The following GRID2 variants were observed in gnomAD, a reference collection of about 807,000 sequenced individuals.
GRID2 encodes the protein glutamate ionotropic receptor delta type subunit 2.
Under a neutral mutation model 114.8 loss-of-function variants are expected in GRID2, and 33 were observed. That is an observed-to-expected ratio of 0.29 (90% CI 0.22 to 0.38). The LOEUF is 0.38. Ranked by LOEUF, GRID2 falls within the 10% of genes least tolerant of loss-of-function variation. The probability of loss-of-function intolerance (pLI) is 1.00; values close to 1 mark genes in which losing one functional copy is unlikely to be tolerated. For synonymous variants in GRID2, 505 were observed against 449.9 expected (o/e 1.12, Z -1.55); for missense variants, 1,184 against 1,257.7 (o/e 0.94, Z 0.89).
chr4:93,502,273 T>TA (rs1353050268), intron 12 of GRID2, among the ~76,000 whole-genome samples: 1 of 152,100 alleles, frequency 6.6e-6, no homozygotes, highest in Non-Finnish European at 1.5e-5. Context: ...TTTCGTCTTT[T>TA]AAAAAAGTGA....
At chr4:93,151,816 C>T (rs536011063) in intron 4 of GRID2, among the ~76,000 whole-genome samples, 1 of 152,054 alleles carries the variant, frequency 6.6e-6, no homozygotes, top group East Asian at 1.9e-4. Context: ...ATATTTTAAT[C>T]CAATAATCAC....
intron 13 of GRID2, among the ~76,000 whole-genome samples, chr4:93,572,934 G>T (rs968963049): frequency 3.3e-5 from 5 of 152,046 alleles, no homozygotes; most frequent in Non-Finnish European, 2.9e-5. Flanking sequence ...TGAGTCCTAA[G>T]GCAAAATTTA....
chr4:93,427,798 A>G (rs939905965), intron 10 of GRID2, among the ~76,000 whole-genome samples: 15 of 152,046 alleles, frequency 9.9e-5, no homozygotes, highest in African/African-American at 3.6e-4. Flanking sequence ...TCTCTGCCTC[A>G]CTACTCTTAT....
rs551497303 is a variant in GRID2 at position 92,440,110 on chromosome 4, G to A, written c.88+135366G>A. ...AGGACAGGCCTGAATTCTGAGAAAC[G>A]AAAGTGGTAAAAGTATTGTCCAGTC... On this transcript the variant is annotated intron_variant, in intron 1 of 15. Transcript: ENST00000282020. 2.1e-5 allele frequency among the ~76,000 whole-genome samples: 3 copies of A among 146,298 alleles called. 1 individual carries two copies. Among genetic ancestry groups the A allele is most frequent in the Non-Finnish European group, 4.6e-5 (3 of 64,628 alleles).
At chr4:92,689,121 A>G (rs1366388025) in intron 2 of GRID2, among the ~76,000 whole-genome samples, 1 of 152,178 alleles carries the variant, frequency 6.6e-6, no homozygotes, top group Non-Finnish European at 1.5e-5. Context: ...TTAATAAACC[A>G]TTGGTGAAAA....
intron 14 of GRID2, among the ~76,000 whole-genome samples, chr4:93,656,680 A>G (rs1274757887): frequency 6.9e-6 from 1 of 145,746 alleles, no homozygotes; most frequent in Non-Finnish European, 1.5e-5. Flanking sequence ...AATACAAAAA[A>G]TTAGCCAGGC....
At chr4:93,056,406 C>T (rs1727248649) in intron 2 of GRID2, among the ~76,000 whole-genome samples, 1 of 151,522 alleles carries the variant, frequency 6.6e-6, no homozygotes, top group Non-Finnish European at 1.5e-5. Flanking sequence ...TCAGCCACTG[C>T]GTGATTGAAG....
intron 2 of GRID2, among the ~76,000 whole-genome samples, chr4:92,738,084 TAA>T (rs1021038746): frequency 1.3e-5 from 2 of 152,186 alleles, no homozygotes; most frequent in African/African-American, 2.4e-5. Flanking sequence ...AAAAGTTAAT[TAA>T]AAGTTTCCTG....
At chr4:92,561,722 C>T (rs1040540766) in intron 1 of GRID2, among the ~76,000 whole-genome samples, 1 of 152,120 alleles carries the variant, frequency 6.6e-6, no homozygotes, top group Non-Finnish European at 1.5e-5. Flanking sequence ...AAATTTTTTA[C>T]ATTAGTTCTA....
intron 1 of GRID2, among the ~76,000 whole-genome samples, chr4:92,377,453 C>G (rs1000320278): frequency 6.6e-6 from 1 of 152,196 alleles, no homozygotes; most frequent in Non-Finnish European, 1.5e-5. Context: ...AAGCTCCAAA[C>G]TTGCCCACAT....
intron 2 of GRID2, among the ~76,000 whole-genome samples, chr4:92,908,580 A>G (rs1423169403): frequency 6.6e-6 from 1 of 150,708 alleles, no homozygotes; most frequent in Non-Finnish European, 1.5e-5. Context: ...AAAAAAAAAA[A>G]GCAGCCATTA....
intron 14 of GRID2, among the ~76,000 whole-genome samples, chr4:93,653,672 A>C (rs1722773794): frequency 6.6e-6 from 1 of 152,108 alleles, no homozygotes; most frequent in Admixed American, 6.6e-5. Context: ...AATGGGGGGA[A>C]AGAAAAGAGA....
intron 2 of GRID2, among the ~76,000 whole-genome samples, chr4:92,867,956 G>T (rs1294179239): frequency 6.6e-6 from 1 of 152,098 alleles, no homozygotes; most frequent in Admixed American, 6.5e-5. Context: ...TTTCACAGTT[G>T]GTTGTACTTT....
At chr4:92,466,171 A>T (rs1721742653) in intron 1 of GRID2, among the ~76,000 whole-genome samples, 1 of 151,844 alleles carries the variant, frequency 6.6e-6, no homozygotes, top group Non-Finnish European at 1.5e-5. Context: ...TACAGTAATC[A>T]GATCAGGATG....
chr4:93,656,559 G>A (rs770110275), intron 14 of GRID2, among the ~76,000 whole-genome samples: 4 of 151,874 alleles, frequency 2.6e-5, no homozygotes, highest in East Asian at 1.9e-4. Flanking sequence ...GGCCGAGCGC[G>A]GTGGCTCACG....
At chr4:92,673,353 T>C (rs1733169466) in intron 2 of GRID2, among the ~76,000 whole-genome samples, 1 of 152,210 alleles carries the variant, frequency 6.6e-6, no homozygotes. Flanking sequence ...TCCACTTCAT[T>C]TCTACATACG....
intron 9 of GRID2, among the ~76,000 whole-genome samples, chr4:93,412,319 A>G (rs1447130574): frequency 1.6e-5 from 2 of 124,116 alleles, no homozygotes; most frequent in African/African-American, 5.3e-5. Context: ...GCTTGAGCCC[A>G]GGAGGTTGAG....
At chr4:93,721,078 G>A (rs1429363732) in intron 14 of GRID2, among the ~76,000 whole-genome samples, 4 of 152,062 alleles carry the variant, frequency 2.6e-5, no homozygotes, top group African/African-American at 4.8e-5. Context: ...ATCACTCAAC[G>A]AAGTTTTACA....
intron 2 of GRID2, among the ~76,000 whole-genome samples, chr4:93,059,669 T>C (rs994501677): frequency 6.6e-6 from 1 of 152,152 alleles, no homozygotes; most frequent in Non-Finnish European, 1.5e-5. Context: ...ATGCCAAATA[T>C]TAGTTTAACG....
Sources: gnomAD v4.1 joint callset for allele counts (sites outside exome capture counted in the v4.1 genomes callset) on GRCh38, gnomAD v4.1.1 for gene constraint, MANE v1.5 for transcripts, NCBI Gene and HGNC (gene_info 2026-07-23, HGNC 2026-07-21) for gene names.